The following PDE8B variants were observed in gnomAD, a reference collection of about 807,000 sequenced individuals.
PDE8B encodes phosphodiesterase 8B.
A neutral mutation model predicts 101.3 loss-of-function variants in PDE8B; 26 were observed. The ratio of observed to expected loss-of-function variants is 0.26; its 90% CI spans 0.19 to 0.36. The LOEUF (loss-of-function observed/expected upper bound fraction) is 0.36. PDE8B is among the 10% of genes least tolerant of loss of function. The pLI, the probability that PDE8B is intolerant of heterozygous loss-of-function variation, is 1.00. For synonymous variants in PDE8B, 424 were observed against 429.3 expected, an observed-to-expected ratio of 0.99 and a Z score of 0.15; for missense variants, 810 against 1,163.1, an observed-to-expected ratio of 0.70 and a Z score of 4.42.
chr5:77,128,639 C>T, the PDE8B span, among the ~76,000 whole-genome samples: 2 of 152,136 alleles, frequency 1.3e-5, no homozygotes, highest in Admixed American at 1.3e-4. Context: ...GTGGCCAGGC[C>T]AAAAGGATGT....
Position 77,367,166 on chromosome 5 carries a change from C to G in PDE8B, c.1167+13760C>G, listed in dbSNP as rs867152140. On this transcript the variant is annotated intron_variant, in intron 10 of 21. Transcript: ENST00000264917. ...ATTGTTTTCTCAAAACACACACACACACACACACACACACACACACACAAA... is the reference window on the plus strand; with the variant it reads ...ATTGTTTTCTCAAAACACACACACAGACACACACACACACACACACACAAA... 5.0e-3 allele frequency among the ~76,000 whole-genome samples: 752 copies of G among 151,818 alleles called. 1 individual carries two copies. The highest frequency in any genetic ancestry group is 0.013 in the African/African-American group (528 of 41,352).
intron 1 of PDE8B, among the ~76,000 whole-genome samples, chr5:77,308,990 C>T (rs1771900765): frequency 6.6e-6 from 1 of 151,934 alleles, no homozygotes; most frequent in Non-Finnish European, 1.5e-5. Context: ...ACCACCCTGG[C>T]CAACATGGCG....
chr5:77,239,570 A>C (rs1410019417), intron 1 of PDE8B, among the ~76,000 whole-genome samples: 1 of 152,218 alleles, frequency 6.6e-6, no homozygotes, highest in Non-Finnish European at 1.5e-5. Flanking sequence ...ACAATAAACA[A>C]CACCAATCTT....
chr5:77,354,103 G>T (rs909879780), intron 10 of PDE8B, among the ~76,000 whole-genome samples: 2 of 152,176 alleles, frequency 1.3e-5, no homozygotes, highest in East Asian at 3.9e-4. Context: ...TTTAAAGAGG[G>T]ACAGTATCTC....
the PDE8B span, among the ~76,000 whole-genome samples, chr5:77,137,801 C>A: frequency 6.6e-6 from 1 of 152,218 alleles, no homozygotes; most frequent in East Asian, 1.9e-4. Context: ...AAAATGGCTA[C>A]AGATTGATCA....
chr5:77,365,537 A>G (rs560195413), intron 10 of PDE8B, among the ~76,000 whole-genome samples: 37 of 152,318 alleles, frequency 2.4e-4, no homozygotes, highest in Admixed American at 1.3e-3. Flanking sequence ...ATCATCTTAT[A>G]TCTGTCTCCT....
At chr5:77,242,031 A>G (rs1755870124) in intron 1 of PDE8B, among the ~76,000 whole-genome samples, 1 of 152,226 alleles carries the variant, frequency 6.6e-6, no homozygotes, top group African/African-American at 2.4e-5. Flanking sequence ...TAAAATATCC[A>G]GAGCTTCTAA....
chr5:77,300,323 C>T (rs930950904), intron 1 of PDE8B, among the ~76,000 whole-genome samples: 4 of 152,298 alleles, frequency 2.6e-5, no homozygotes, highest in Non-Finnish European at 5.9e-5. Flanking sequence ...AAGAAATATA[C>T]TTTGATTGAA....
chr5:77,373,662 T>C (rs1473663540), intron 10 of PDE8B, among the ~76,000 whole-genome samples: 1 of 152,238 alleles, frequency 6.6e-6, no homozygotes, highest in Non-Finnish European at 1.5e-5. Flanking sequence ...CTGTTGCATT[T>C]ATCAGTTTAT....
At chr5:77,377,967 A>G (rs1367850754) in intron 10 of PDE8B, among the ~76,000 whole-genome samples, 1 of 151,570 alleles carries the variant, frequency 6.6e-6, no homozygotes, top group Non-Finnish European at 1.5e-5. Flanking sequence ...GCCAATTTAT[A>G]TAATAAACTC....
At chr5:77,178,445 C>T in the PDE8B span, among the ~76,000 whole-genome samples, 3 of 152,120 alleles carry the variant, frequency 2.0e-5, no homozygotes, top group Non-Finnish European at 2.9e-5. Context: ...TTTCTGATTT[C>T]GTTGCTGTTC....
At chr5:77,189,591 G>A in the PDE8B span, among the ~76,000 whole-genome samples, 3 of 152,208 alleles carry the variant, frequency 2.0e-5, no homozygotes, top group Non-Finnish European at 4.4e-5. Flanking sequence ...AATATTTCAA[G>A]TGGGAGGGAT....
chr5:77,134,827 C>T, the PDE8B span, among the ~76,000 whole-genome samples: 1 of 152,154 alleles, frequency 6.6e-6, no homozygotes, highest in African/African-American at 2.4e-5. Flanking sequence ...GCACTAGGGG[C>T]TATAGTTCCT....
intron 2 of PDE8B, among the ~76,000 whole-genome samples, chr5:77,319,932 TACATA>T (rs944861043): frequency 6.6e-6 from 1 of 152,094 alleles, no homozygotes; most frequent in African/African-American, 2.4e-5. Context: ...TTTTTTTAAA[TACATA>T]AAACATCTTA....
At chr5:77,242,048 G>T (rs1276771436) in intron 1 of PDE8B, among the ~76,000 whole-genome samples, 2 of 152,186 alleles carry the variant, frequency 1.3e-5, no homozygotes, top group African/African-American at 4.8e-5. Flanking sequence ...CTAATTTGGG[G>T]TAAGATGAAT....
At chr5:77,213,026 T>C (rs1748838053) in intron 1 of PDE8B, among the ~76,000 whole-genome samples, 1 of 152,336 alleles carries the variant, frequency 6.6e-6, no homozygotes, top group Admixed American at 6.5e-5. Flanking sequence ...CCATGTTTGT[T>C]CAGTAGAAGA....
chr5:77,108,420 A>T, the PDE8B span, among the ~76,000 whole-genome samples: 1 of 152,182 alleles, frequency 6.6e-6, no homozygotes, highest in African/African-American at 2.4e-5. Flanking sequence ...CACATGGCTC[A>T]TGCCCTTAAT....
At chr5:77,300,855 C>G (rs1236795987) in intron 1 of PDE8B, among the ~76,000 whole-genome samples, 1 of 152,212 alleles carries the variant, frequency 6.6e-6, no homozygotes, top group Non-Finnish European at 1.5e-5. Context: ...TTATCAATAA[C>G]TGCTTGGAAA....
chr5:77,323,696 TGCTTGTGATCCCAGC>T (rs1775502935), intron 2 of PDE8B, among the ~76,000 whole-genome samples: 1 of 152,200 alleles, frequency 6.6e-6, no homozygotes, highest in Non-Finnish European at 1.5e-5. Flanking sequence ...ATGTGGCTCA[TGCTTGTGATCCCAGC>T]ACTTTGGGAG....
Sources: gnomAD v4.1 joint callset for allele counts (sites outside exome capture counted in the v4.1 genomes callset) on GRCh38, gnomAD v4.1.1 for gene constraint, MANE v1.5 for transcripts, NCBI Gene and HGNC (gene_info 2026-07-23, HGNC 2026-07-21) for gene names.